Variants in ST6GALNAC3 observed in about 807,000 individuals in gnomAD.
ST6GALNAC3 encodes the protein ST6 N-acetylgalactosaminide alpha-2,6-sialyltransferase 3, also known as alpha-N-acetylgalactosaminide alpha-2,6-sialyltransferase 3.
ST6GALNAC3 carries 25 observed loss-of-function variants against 32.7 expected under a neutral mutation model. The observed-to-expected ratio is 0.76, with a 90% confidence interval of 0.56 to 1.07. The LOEUF is 1.07. Among genes scored for constraint, ST6GALNAC3 ranks in the 50% least tolerant of loss-of-function variants. ST6GALNAC3 has a pLI of 0.00. For missense variants in ST6GALNAC3, 355 were observed against 382.4 expected (o/e 0.93, Z 0.60); for synonymous variants, 129 against 133.1 (o/e 0.97, Z 0.21).
Position 76,392,113 on chromosome 1 carries a change from G to A in ST6GALNAC3, c.214-19895G>A, listed in dbSNP as rs115287033. The stretch of plus-strand genomic sequence containing the variant: ...TCTTGGCTTCCATTCACTAGATGAC[G>A]GTAGTATCCCCCAATTGTAACAATT... On this transcript the variant is annotated intron_variant, in intron 2 of 4. Transcript: ENST00000328299. Among the ~76,000 whole-genome samples, 265 of 152,178 alleles carry A rather than the reference G, an allele frequency of 1.7e-3. 1 individual carries two copies. The highest frequency in any genetic ancestry group is 6.2e-3 in the African/African-American group (259 of 41,520).
chr1:76,099,605 T>A (rs1571146631), intron 1 of ST6GALNAC3, among the ~76,000 whole-genome samples: 2 of 152,162 alleles, frequency 1.3e-5, no homozygotes, highest in South Asian at 4.1e-4. Flanking sequence ...TCTATCTATA[T>A]GACGTTTATA....
At chr1:76,539,497 A>G (rs1011579347) in intron 3 of ST6GALNAC3, among the ~76,000 whole-genome samples, 2 of 152,216 alleles carry the variant, frequency 1.3e-5, no homozygotes, top group Non-Finnish European at 2.9e-5. Flanking sequence ...AATGGTAACA[A>G]AAGCCAAAAT....
downstream of ST6GALNAC3, among the ~76,000 whole-genome samples, chr1:76,636,712 T>C (rs1649513904): frequency 6.6e-6 from 1 of 152,282 alleles, no homozygotes; most frequent in East Asian, 1.9e-4. Flanking sequence ...ACTAATAGAA[T>C]TTTGCATCCT....
chr1:76,279,467 G>A (rs1023372674), intron 1 of ST6GALNAC3, among the ~76,000 whole-genome samples: 3 of 152,232 alleles, frequency 2.0e-5, no homozygotes, highest in African/African-American at 4.8e-5. Context: ...ACCTGTGCTA[G>A]CCAACAGGCC....
intron 3 of ST6GALNAC3, among the ~76,000 whole-genome samples, chr1:76,616,368 T>C (rs1486575875): frequency 6.6e-6 from 1 of 152,226 alleles, no homozygotes; most frequent in Middle Eastern, 3.2e-3. Flanking sequence ...AATAGCATTC[T>C]ACCTTAATGG....
chr1:76,465,685 G>A (rs1332296357), intron 3 of ST6GALNAC3, among the ~76,000 whole-genome samples: 4 of 152,194 alleles, frequency 2.6e-5, no homozygotes, highest in Non-Finnish European at 1.5e-5. Context: ...AACTGACTAG[G>A]AAAGAATGGG....
chr1:76,553,685 C>T (rs1323401922), intron 3 of ST6GALNAC3, among the ~76,000 whole-genome samples: 1 of 152,018 alleles, frequency 6.6e-6, no homozygotes, highest in Non-Finnish European at 1.5e-5. Flanking sequence ...TATTTTTACT[C>T]GTCTTTAGTA....
chr1:76,291,058 G>A (rs1190523115), intron 1 of ST6GALNAC3, among the ~76,000 whole-genome samples: 1 of 152,182 alleles, frequency 6.6e-6, no homozygotes, highest in Non-Finnish European at 1.5e-5. Flanking sequence ...AGATGGAGAA[G>A]AATAACCTAT....
At chr1:76,178,143 G>A (rs1215623201) in intron 1 of ST6GALNAC3, among the ~76,000 whole-genome samples, 1 of 152,208 alleles carries the variant, frequency 6.6e-6, no homozygotes, top group Non-Finnish European at 1.5e-5. Flanking sequence ...CTCTGCCTCA[G>A]GACACAAACA....
chr1:76,321,534 A>G (rs1646966571), intron 2 of ST6GALNAC3, among the ~76,000 whole-genome samples: 1 of 152,200 alleles, frequency 6.6e-6, no homozygotes. Context: ...TTTTACAGCC[A>G]CCACCACCAA....
chr1:76,441,088 C>CAAAAAAAAAAAAA (rs397980569), intron 3 of ST6GALNAC3, among the ~76,000 whole-genome samples: 1 of 90,260 alleles, frequency 1.1e-5, no homozygotes, highest in Non-Finnish European at 2.3e-5. Flanking sequence ...ACTATGTCTC[C>CAAAAAAAAAAAAA]AAAAAAAAAA....
intron 2 of ST6GALNAC3, among the ~76,000 whole-genome samples, chr1:76,343,894 A>G (rs527425526): frequency 6.6e-6 from 1 of 152,334 alleles, no homozygotes; most frequent in African/African-American, 2.4e-5. Context: ...ATGGCAACCT[A>G]TGAGAATTGC....
At chr1:76,515,075 T>C (rs1318040797) in intron 3 of ST6GALNAC3, among the ~76,000 whole-genome samples, 2 of 152,174 alleles carry the variant, frequency 1.3e-5, no homozygotes, top group Non-Finnish European at 2.9e-5. Flanking sequence ...TCTGGAATAG[T>C]GTGACAAGCA....
chr1:76,433,377 A>G (rs1655909162), intron 3 of ST6GALNAC3, among the ~76,000 whole-genome samples: 1 of 152,126 alleles, frequency 6.6e-6, no homozygotes, highest in Non-Finnish European at 1.5e-5. Flanking sequence ...AGTGTGCAAT[A>G]TGCTCTAAAG....
chr1:76,139,773 C>A (rs1220089437), intron 1 of ST6GALNAC3, among the ~76,000 whole-genome samples: 2 of 152,202 alleles, frequency 1.3e-5, no homozygotes, highest in East Asian at 1.9e-4. Flanking sequence ...ATCAGCCGGG[C>A]AAGTCACTTA....
intron 3 of ST6GALNAC3, among the ~76,000 whole-genome samples, chr1:76,564,914 C>T (rs1207267397): frequency 6.6e-6 from 1 of 152,080 alleles, no homozygotes; most frequent in East Asian, 1.9e-4. Context: ...TGAATTTTTA[C>T]CTTCCTCCTA....
intron 3 of ST6GALNAC3, among the ~76,000 whole-genome samples, chr1:76,488,767 G>A (rs990542466): frequency 2.0e-5 from 3 of 152,134 alleles, no homozygotes; most frequent in African/African-American, 7.2e-5. Context: ...GCACAAATTT[G>A]TGAAGAACAA....
chr1:76,611,066 G>GGTAT (rs1180475007), intron 3 of ST6GALNAC3, among the ~76,000 whole-genome samples: 3 of 136,890 alleles, frequency 2.2e-5, no homozygotes, highest in Admixed American at 7.1e-5. Flanking sequence ...TTCCAGGTGA[G>GGTAT]GTATATATAT....
At chr1:76,146,478 C>T (rs780599188) in intron 1 of ST6GALNAC3, among the ~76,000 whole-genome samples, 1 of 152,094 alleles carries the variant, frequency 6.6e-6, no homozygotes, top group African/African-American at 2.4e-5. Context: ...TGCTCCTGTC[C>T]TCTCTGACTT....
Sources: gnomAD v4.1 joint callset for allele counts (sites outside exome capture counted in the v4.1 genomes callset) on GRCh38, gnomAD v4.1.1 for gene constraint, MANE v1.5 for transcripts, NCBI Gene and HGNC (gene_info 2026-07-23, HGNC 2026-07-21) for gene names.